Variants in IL1RAPL2 observed in about 807,000 individuals in gnomAD.
The protein encoded by IL1RAPL2 is X-linked interleukin-1 receptor accessory protein-like 2.
Under a neutral mutation model 44.1 loss-of-function variants are expected in IL1RAPL2, and 3 were observed. The ratio of observed to expected loss-of-function variants is 0.07; its 90% CI spans 0.03 to 0.18. The LOEUF is 0.18. IL1RAPL2 is among the 10% of genes least tolerant of loss of function. IL1RAPL2 has a pLI of 1.00. For synonymous variants in IL1RAPL2, 181 were observed against 178.8 expected, an observed-to-expected ratio of 1.01 and a Z score of -0.10; for missense variants, 391 against 496.4, an observed-to-expected ratio of 0.79 and a Z score of 2.02.
chrX:104,999,936 C>G (rs373426972), intron 2 of IL1RAPL2, among the ~76,000 whole-genome samples: 2 of 107,741 alleles, frequency 1.9e-5, no homozygotes, highest in Non-Finnish European at 3.8e-5. Context: ...AACATTATTA[C>G]CCCTCTCACT....
chrX:104,946,372 T>A (rs1358814649), intron 2 of IL1RAPL2, among the ~76,000 whole-genome samples: 48 of 2,151 alleles, frequency 0.022, no homozygotes, highest in Admixed American at 0.062. Flanking sequence ...AGAGCAAGAC[T>A]CCGTCTCAAA....
chrX:105,017,508 A>G (rs1394279484), intron 2 of IL1RAPL2, among the ~76,000 whole-genome samples: 2 of 111,649 alleles, frequency 1.8e-5, no homozygotes, highest in Non-Finnish European at 3.8e-5. Flanking sequence ...GACCACTTCT[A>G]TCACACTTTT....
intron 2 of IL1RAPL2, among the ~76,000 whole-genome samples, chrX:104,856,060 C>T (rs1922357409): frequency 9.0e-6 from 1 of 110,893 alleles, no homozygotes; most frequent in Non-Finnish European, 1.9e-5. Flanking sequence ...TGTTAAATAT[C>T]TGATCAAGTG....
intron 2 of IL1RAPL2, among the ~76,000 whole-genome samples, chrX:105,140,889 A>T (rs2033120354): frequency 9.0e-6 from 1 of 111,415 alleles, no homozygotes; most frequent in Non-Finnish European, 1.9e-5. Context: ...GAGCATCAGA[A>T]ATCATGGGGC....
intron 2 of IL1RAPL2, among the ~76,000 whole-genome samples, chrX:105,017,226 C>A (rs1428741053): frequency 9.1e-6 from 1 of 109,812 alleles, no homozygotes; most frequent in East Asian, 2.9e-4. Context: ...AGTGGTCTAT[C>A]TATTTGTTGA....
At chrX:104,702,727 G>T (rs1431914117) in intron 2 of IL1RAPL2, among the ~76,000 whole-genome samples, 1 of 111,382 alleles carries the variant, frequency 9.0e-6, no homozygotes, top group Non-Finnish European at 1.9e-5. Context: ...TGGTGTATGT[G>T]TGTGTGTGTA....
At chrX:105,121,615 CTTTT>C (rs375923492) in intron 2 of IL1RAPL2, among the ~76,000 whole-genome samples, 49 of 110,882 alleles carry the variant, frequency 4.4e-4, no homozygotes, top group African/African-American at 1.6e-3. Flanking sequence ...TCTGAATAAA[CTTTT>C]TTTTTATTTT....
At chrX:104,735,940 T>C (rs1932005993) in intron 2 of IL1RAPL2, among the ~76,000 whole-genome samples, 1 of 111,363 alleles carries the variant, frequency 9.0e-6, no homozygotes, top group South Asian at 3.8e-4. Flanking sequence ...ACCCTCCATA[T>C]TATGGCCCAC....
At chrX:105,403,414 A>G (rs1845718769) in intron 5 of IL1RAPL2, among the ~76,000 whole-genome samples, 1 of 111,309 alleles carries the variant, frequency 9.0e-6, no homozygotes, top group South Asian at 3.8e-4. Context: ...AGACCCACCC[A>G]GCCATTATAT....
At chrX:104,662,345 A>G (rs2038987316) in intron 2 of IL1RAPL2, among the ~76,000 whole-genome samples, 1 of 112,172 alleles carries the variant, frequency 8.9e-6, no homozygotes. Flanking sequence ...ACATATTAAA[A>G]TGCACAGCAT....
chrX:105,119,551 A>C (rs1279445982), intron 2 of IL1RAPL2, among the ~76,000 whole-genome samples: 1 of 111,280 alleles, frequency 9.0e-6, no homozygotes. Flanking sequence ...TTGTTGTTGC[A>C]CCTATTCTGG....
At chrX:105,231,047 A>G (rs2034065259) in intron 3 of IL1RAPL2, among the ~76,000 whole-genome samples, 2 of 112,099 alleles carry the variant, frequency 1.8e-5, no homozygotes, top group South Asian at 7.4e-4. Flanking sequence ...ATAACATAAT[A>G]ATTGAAAATT....
chrX:104,675,418 A>T (rs1174716474), intron 2 of IL1RAPL2, among the ~76,000 whole-genome samples: 1 of 111,611 alleles, frequency 9.0e-6, no homozygotes, highest in East Asian at 2.8e-4. Flanking sequence ...TTTGATTGAG[A>T]TTCTTAATCC....
chrX:104,950,843 G>A (rs1279621512), intron 2 of IL1RAPL2, among the ~76,000 whole-genome samples: 2 of 111,200 alleles, frequency 1.8e-5, no homozygotes, highest in Non-Finnish European at 3.8e-5. Flanking sequence ...GAGTAGCTGG[G>A]ACTACAGGCG....
At chrX:104,737,374 T>C (rs1932031912) in intron 2 of IL1RAPL2, among the ~76,000 whole-genome samples, 1 of 112,404 alleles carries the variant, frequency 8.9e-6, no homozygotes, top group African/African-American at 3.2e-5. Flanking sequence ...ACTGCTGAAA[T>C]AAGAAGTTAT....
chrX:105,162,325 T>G (rs998012486), intron 2 of IL1RAPL2, among the ~76,000 whole-genome samples: 1 of 112,180 alleles, frequency 8.9e-6, no homozygotes, highest in Non-Finnish European at 1.9e-5. Flanking sequence ...TGGAAGACAT[T>G]AATTTTTTGC....
chrX:104,848,281 C>T (rs1043150857), intron 2 of IL1RAPL2, among the ~76,000 whole-genome samples: 2 of 107,991 alleles, frequency 1.9e-5, no homozygotes, highest in Non-Finnish European at 3.8e-5. Flanking sequence ...CTGTTAAGAC[C>T]GTCACAGACA....
Position 105,767,538 on chromosome X carries a change from G to A in IL1RAPL2, c.1938G>A (p.Leu646=), listed in dbSNP as rs757712696. 4.1e-6 allele frequency: 5 copies of A among 1,210,366 alleles called. No individual in the cohort carries two copies. In the Admixed American group the frequency reaches 1.1e-4, roughly 26 times the overall value. ...GNHHTYCNLP[L]TLLNGQLPLN... is the part of the protein sequence containing the mutation. ...ACCATACTTATTGTAACCTGCCTCT[G>A]ACGCTACTCAACGGACAGCTACCCC... The change falls in exon 11 of 11, where the codon CTG becomes CTA. Residue 646 remains leucine, a synonymous_variant. Transcript: ENST00000372582.
In IL1RAPL2 at chrX:105,491,203, TTTTTTA is replaced by T; in HGVS notation, c.772+6828_772+6833del. Among the ~76,000 whole-genome samples the T allele has an allele frequency of 2.7e-5, 3 of 111,700 alleles. No individual in the cohort carries two copies. In the Admixed American group the frequency reaches 2.9e-4, roughly 11 times the overall value. ...AAACTAGAATTATTGTATTTTTTATTTTTTTATTTTTATTTTTTTTTATACTTTAAG... is the reference window on the plus strand; with the variant it reads ...AAACTAGAATTATTGTATTTTTTATTTTTTTATTTTTTTTTATACTTTAAG... On this transcript the variant is annotated intron_variant, in intron 6 of 10. Coordinates refer to ENST00000372582, the MANE Select transcript of IL1RAPL2 (RefSeq NM_017416.2).
Sources: gnomAD v4.1 joint callset for allele counts (sites outside exome capture counted in the v4.1 genomes callset) on GRCh38, gnomAD v4.1.1 for gene constraint, MANE v1.5 for transcripts, NCBI Gene and HGNC (gene_info 2026-07-23, HGNC 2026-07-21) for gene names.